BCHE: variants seen among roughly 807,000 people sequenced by gnomAD.
BCHE encodes the protein butyrylcholinesterase.
BCHE carries 48 observed loss-of-function variants against 51.3 expected under a neutral mutation model. The ratio of observed to expected loss-of-function variants is 0.94; its 90% CI spans 0.74 to 1.19. The LOEUF is 1.19. Among genes scored for constraint, BCHE ranks in the 50% most tolerant of loss-of-function variants. The pLI is 0.00. For missense variants in BCHE, 847 were observed against 708.2 expected (o/e 1.20, Z -2.23); for synonymous variants, 251 against 238.0 (o/e 1.05, Z -0.50).
At position 165,789,162 on chromosome 3, in the gene BCHE, T is replaced by A. The variant is rs150055642; in HGVS notation, c.1518-2851A>T. 2.8e-4 allele frequency among the ~76,000 whole-genome samples: 42 copies of A among 152,224 alleles called. No individual in the cohort carries two copies. In the East Asian group the frequency reaches 7.9e-3, roughly 29 times the overall value. On this transcript the variant is annotated intron_variant, in intron 2 of 3. Coordinates refer to ENST00000264381, the MANE Select transcript of BCHE (RefSeq NM_000055.4). ...GTAATAACTAAAACTTTCCATGAAG[T>A]TGTATGTGTTCTATTCTTAGTATCA...
At chr3:165,781,236 A>G (rs1223583608) in intron 3 of BCHE, among the ~76,000 whole-genome samples, 3 of 152,030 alleles carry the variant, frequency 2.0e-5, no homozygotes, top group African/African-American at 7.2e-5. Context: ...AGGCAACAAG[A>G]GTGAAACTTC....
chr3:165,821,393 C>T lies in BCHE; in HGVS notation c.1517+8124G>A, dbSNP rs1375555413. Among the ~76,000 whole-genome samples, 7 of 151,042 alleles carry T rather than the reference C, an allele frequency of 4.6e-5. No homozygotes were observed. The East Asian group carries it at 1.4e-3, about 29-fold the overall frequency. ...CATCCATAATTTCTTTGACCTTTCCCCAGTTTTTCTGTTGTCATTTAAAAA... is the reference window on the plus strand; with the variant it reads ...CATCCATAATTTCTTTGACCTTTCCTCAGTTTTTCTGTTGTCATTTAAAAA... On this transcript the variant is annotated intron_variant, in intron 2 of 3. Coordinates refer to ENST00000264381, the MANE Select transcript of BCHE (RefSeq NM_000055.4).
intron 2 of BCHE, among the ~76,000 whole-genome samples, chr3:165,818,578 CAG>C (rs1714392508): frequency 6.6e-6 from 1 of 152,092 alleles, no homozygotes; most frequent in Non-Finnish European, 1.5e-5. Flanking sequence ...GCATTTTACA[CAG>C]AGTGGTTGTA....
chr3:165,789,183 T>C (rs1713076082), intron 2 of BCHE, among the ~76,000 whole-genome samples: 1 of 152,154 alleles, frequency 6.6e-6, no homozygotes, highest in African/African-American at 2.4e-5. Context: ...CTATTCTTAG[T>C]ATCAGGTTCT....
chr3:165,783,945 G>A (rs775186479), intron 3 of BCHE, among the ~76,000 whole-genome samples: 2 of 151,920 alleles, frequency 1.3e-5, no homozygotes, highest in African/African-American at 4.8e-5. Flanking sequence ...GAATTTGTGT[G>A]TTTAAACAAG....
chr3:165,817,574 T>C (rs1429834447), intron 2 of BCHE, among the ~76,000 whole-genome samples: 2 of 152,072 alleles, frequency 1.3e-5, no homozygotes, highest in Non-Finnish European at 2.9e-5. Context: ...ACTTTAGTCT[T>C]AGAGGTTGTT....
At chr3:165,781,445 A>C (rs1712694669) in intron 3 of BCHE, among the ~76,000 whole-genome samples, 1 of 152,168 alleles carries the variant, frequency 6.6e-6, no homozygotes, top group Non-Finnish European at 1.5e-5. Context: ...ACATGGATGA[A>C]GATGGAAGCC....
At chr3:165,819,205 A>G (rs1314488767) in intron 2 of BCHE, among the ~76,000 whole-genome samples, 2 of 150,938 alleles carry the variant, frequency 1.3e-5, no homozygotes, top group Non-Finnish European at 2.9e-5. Flanking sequence ...TAGCTTCCAG[A>G]GTTGCTGGGA....
Position 165,829,977 on chromosome 3 carries a change from C to T in BCHE, c.1057G>A (p.Glu353Lys). Residue 353 changes from glutamate (E) to lysine (K), a missense_variant, in exon 2 of 4, where the codon GAA becomes AAA. Coordinates refer to ENST00000264381, the MANE Select transcript of BCHE (RefSeq NM_000055.4). The part of the protein sequence containing the change: ...TQILVGVNKD[E>K]GTAFLVYGAP... ...CCATAGACTAAAAAAGCTGTCCCTTCATCTTTATTAACACCCACCAAAATC... is the reference window on the plus strand; with the variant it reads ...CCATAGACTAAAAAAGCTGTCCCTTTATCTTTATTAACACCCACCAAAATC... 6.2e-7 allele frequency: 1 copy of T among 1,613,756 alleles called. No individual in the cohort carries two copies. Among genetic ancestry groups the T allele is most frequent in the South Asian group, 1.1e-5 (1 of 91,072 alleles).
At chr3:165,780,374 C>G (rs1203934021) in intron 3 of BCHE, among the ~76,000 whole-genome samples, 1 of 152,130 alleles carries the variant, frequency 6.6e-6, no homozygotes, top group Admixed American at 6.5e-5. Context: ...ACGAAAATGT[C>G]AAAAGCAATT....
At chr3:165,789,312 C>CT (rs11378582) in intron 2 of BCHE, among the ~76,000 whole-genome samples, 141,271 of 150,254 alleles carry the variant, frequency 0.94, 66,521 homozygotes, top group Non-Finnish European at 0.96. Flanking sequence ...AGCAGAGTAT[C>CT]TTTTTTTTTA....
At chr3:165,819,262 A>G (rs1354927897) in intron 2 of BCHE, among the ~76,000 whole-genome samples, 1 of 7,834 alleles carries the variant, frequency 1.3e-4, no homozygotes, top group Non-Finnish European at 1.9e-4. Flanking sequence ...TATTCTTAGT[A>G]GAGATGGGGT....
intron 2 of BCHE, among the ~76,000 whole-genome samples, chr3:165,824,532 A>T (rs1041372496): frequency 6.6e-6 from 1 of 152,080 alleles, no homozygotes; most frequent in African/African-American, 2.4e-5. Flanking sequence ...TGTGCTAACA[A>T]TCCTAGAGAA....
At chr3:165,784,953 G>T (rs1003934370) in intron 3 of BCHE, among the ~76,000 whole-genome samples, 1 of 151,694 alleles carries the variant, frequency 6.6e-6, no homozygotes, top group Non-Finnish European at 1.5e-5. Context: ...CAAAAGGATG[G>T]CACTGTTGCT....
At chr3:165,797,015 ATACGAGGCAATGTT>A in intron 2 of BCHE, among the ~76,000 whole-genome samples, 1 of 152,240 alleles carries the variant, frequency 6.6e-6, no homozygotes, top group African/African-American at 2.4e-5. Flanking sequence ...TAAAGAGGAG[ATACGAGGCAATGTT>A]TAGCCTCCTC....
At chr3:165,775,778 G>C (rs1464866540) in intron 3 of BCHE, among the ~76,000 whole-genome samples, 1 of 151,856 alleles carries the variant, frequency 6.6e-6, no homozygotes, top group African/African-American at 2.4e-5. Flanking sequence ...GAAATAGGGG[G>C]CATTGATTGA....
At chr3:165,782,177 T>G (rs1712733034) in intron 3 of BCHE, among the ~76,000 whole-genome samples, 1 of 152,180 alleles carries the variant, frequency 6.6e-6, no homozygotes, top group Non-Finnish European at 1.5e-5. Flanking sequence ...TTCTTCAGCT[T>G]TCTATGCCCA....
chr3:165,796,330 G>C (rs1032919455), intron 2 of BCHE, among the ~76,000 whole-genome samples: 2 of 151,974 alleles, frequency 1.3e-5, no homozygotes, highest in Non-Finnish European at 2.9e-5. Flanking sequence ...GGTTTGAAGG[G>C]GAAATAAAAA....
intron 3 of BCHE, among the ~76,000 whole-genome samples, chr3:165,781,599 G>A (rs1712701766): frequency 6.7e-6 from 1 of 149,582 alleles, no homozygotes; most frequent in Non-Finnish European, 1.5e-5. Flanking sequence ...CGGGGGTGGA[G>A]GGTGAGGGGA....
Sources: allele counts gnomAD v4.1 joint callset (sites outside exome capture counted in the v4.1 genomes callset), GRCh38; gene constraint gnomAD v4.1.1; transcripts MANE v1.5; gene names NCBI Gene and HGNC (gene_info 2026-07-23, HGNC 2026-07-21).